CSNK1G3: variants seen among roughly 807,000 people sequenced by gnomAD.
The protein encoded by CSNK1G3 is casein kinase 1 gamma 3.
CSNK1G3 carries 23 observed loss-of-function variants against 64.3 expected under a neutral mutation model. The observed-to-expected ratio is 0.36, with a 90% confidence interval of 0.26 to 0.51. CSNK1G3 has a LOEUF of 0.51. CSNK1G3 is among the 20% of genes least tolerant of loss of function. The pLI is 0.96. For missense variants in CSNK1G3, 357 were observed against 510.5 expected, an observed-to-expected ratio of 0.70 and a Z score of 2.90; for synonymous variants, 158 against 162.2, an observed-to-expected ratio of 0.97 and a Z score of 0.20.
At chr5:123,590,742 C>T (rs1792186329) in intron 9 of CSNK1G3, among the ~76,000 whole-genome samples, 184 bp downstream of exon 9, 1 of 152,030 alleles carries the variant, frequency 6.6e-6, no homozygotes, top group Admixed American at 6.6e-5. Context: ...AGAAGCCCTA[C>T]ATCTGGATTC....
intron 1 of CSNK1G3, among the ~76,000 whole-genome samples, chr5:123,543,140 T>C (rs905217325): frequency 3.3e-5 from 5 of 152,150 alleles, no homozygotes; most frequent in African/African-American, 1.2e-4. Context: ...TCTGTGTTGT[T>C]GAGAGTCTGG....
intron 12 of CSNK1G3, among the ~76,000 whole-genome samples, chr5:123,613,042 G>T (rs1196952600): frequency 6.6e-6 from 1 of 152,136 alleles, no homozygotes; most frequent in African/African-American, 2.4e-5. Context: ...AAGGTTAAAA[G>T]AAAAGGTGCC....
intron 12 of CSNK1G3, 28 bp downstream of exon 13, chr5:123,605,390 A>G (rs761854043): frequency 1.9e-6 from 3 of 1,609,216 alleles, no homozygotes; most frequent in African/African-American, 2.7e-5. Flanking sequence ...GCAGGCAGAA[A>G]TAGCTCCATT....
chr5:123,581,847 T>C (rs558609827), intron 6 of CSNK1G3, among the ~76,000 whole-genome samples: 2 of 152,130 alleles, frequency 1.3e-5, no homozygotes, highest in African/African-American at 4.8e-5. Flanking sequence ...GAACCTTTTC[T>C]TCCTTGTAGT....
exon 13 of CSNK1G3, chr5:123,615,112 A>G (rs1034418566): frequency 1.3e-5 from 2 of 152,568 alleles, no homozygotes; most frequent in African/African-American, 4.8e-5. Flanking sequence ...AGAAGTGGCA[A>G]AAGCGCTTAT....
chr5:123,526,541 A>C (rs910712458), intron 1 of CSNK1G3, among the ~76,000 whole-genome samples: 2 of 152,146 alleles, frequency 1.3e-5, no homozygotes, highest in Non-Finnish European at 2.9e-5. Context: ...AAACACAAAA[A>C]CAGTTCTATC....
intron 1 of CSNK1G3, among the ~76,000 whole-genome samples, chr5:123,515,905 A>C (rs1777082156): frequency 6.6e-6 from 1 of 152,146 alleles, no homozygotes; most frequent in South Asian, 2.1e-4. Flanking sequence ...AGGTGGTGTA[A>C]CCTCATTTTT....
intron 3 of CSNK1G3, among the ~76,000 whole-genome samples, chr5:123,555,474 A>G (rs1784454787): frequency 6.6e-6 from 1 of 152,164 alleles, no homozygotes; most frequent in Non-Finnish European, 1.5e-5. Context: ...TGGCTTTTAT[A>G]CTTTGCTCGG....
chr5:123,561,914 T>C (rs533995407), intron 4 of CSNK1G3, among the ~76,000 whole-genome samples: 1 of 152,298 alleles, frequency 6.6e-6, no homozygotes, highest in African/African-American at 2.4e-5. Flanking sequence ...GTCAATTTTG[T>C]CTCTTAAAAT....
At chr5:123,512,274 G>A (rs1406046856) in exon 1 of CSNK1G3, 1 of 152,618 alleles carries the variant, frequency 6.6e-6, no homozygotes, top group Non-Finnish European at 1.5e-5. Context: ...ATTCATTCCG[G>A]GCTGCATCGG....
chr5:123,550,955 T>C (rs1030655544), intron 2 of CSNK1G3, among the ~76,000 whole-genome samples: 8 of 152,232 alleles, frequency 5.3e-5, no homozygotes, highest in African/African-American at 1.7e-4. Flanking sequence ...CAAAAAAAGA[T>C]GATCCTTTTA....
intron 1 of CSNK1G3, among the ~76,000 whole-genome samples, chr5:123,536,626 C>A (rs1271397845): frequency 6.6e-6 from 1 of 151,824 alleles, no homozygotes; most frequent in Non-Finnish European, 1.5e-5. Flanking sequence ...CTGATGTGAT[C>A]ACTATATAGT....
At chr5:123,525,314 A>ATTT (rs374117552) in intron 1 of CSNK1G3, among the ~76,000 whole-genome samples, 3 of 133,990 alleles carry the variant, frequency 2.2e-5, no homozygotes, top group Non-Finnish European at 3.2e-5. Context: ...AGTTGTTTGC[A>ATTT]TTTTTTTTTT....
chr5:123,521,314 C>T (rs2149973995), intron 1 of CSNK1G3, among the ~76,000 whole-genome samples: 1 of 152,094 alleles, frequency 6.6e-6, no homozygotes, highest in Non-Finnish European at 1.5e-5. Flanking sequence ...AAAAAAGGAT[C>T]TTTACTGAGT....
rs947619701 is a variant in CSNK1G3, at chr5:123,587,445, T to G, written c.674-623T>G. ...CCTGAGCCTTAGTCTGTAATCTTTA[T>G]TCACTTATGTGCTAAATGACATTTT... On this transcript the variant is annotated intron_variant, in intron 6 of 12. Coordinates refer to ENST00000345990, the Ensembl canonical transcript of CSNK1G3. 1.4e-4 allele frequency among the ~76,000 whole-genome samples: 21 copies of G among 152,358 alleles called. 1 individual carries two copies. The highest frequency in any genetic ancestry group is 5.1e-4 in the African/African-American group (21 of 41,582).
At chr5:123,597,015 C>A (rs1032489687) in intron 10 of CSNK1G3, among the ~76,000 whole-genome samples, 1 of 137,870 alleles carries the variant, frequency 7.3e-6, no homozygotes, top group Non-Finnish European at 1.6e-5. Context: ...TAAATTAAAA[C>A]GTAATAAGAG....
intron 6 of CSNK1G3, among the ~76,000 whole-genome samples, chr5:123,580,666 T>C (rs561793134): frequency 5.6e-4 from 85 of 152,114 alleles, no homozygotes; most frequent in Non-Finnish European, 9.9e-4. Context: ...TTAATATCTT[T>C]TTAAAGACTT....
intron 1 of CSNK1G3, among the ~76,000 whole-genome samples, chr5:123,519,910 G>C (rs1189044560): frequency 6.6e-6 from 1 of 152,166 alleles, no homozygotes; most frequent in African/African-American, 2.4e-5. Flanking sequence ...TTACAGTTTT[G>C]CTCAGGACTG....
chr5:123,594,922 G>C, intron 10 of CSNK1G3, 117 bp from the exon 11 acceptor site: 1 of 748,378 alleles, frequency 1.3e-6, no homozygotes. Flanking sequence ...ATTCAGAATA[G>C]TAAGGGTATT....
Sources: gnomAD v4.1 joint callset for allele counts (sites outside exome capture counted in the v4.1 genomes callset) on GRCh38, gnomAD v4.1.1 for gene constraint, MANE v1.5 for transcripts, NCBI Gene and HGNC (gene_info 2026-07-23, HGNC 2026-07-21) for gene names.